The following ABCB5 variants were observed in gnomAD, a reference collection of about 807,000 sequenced individuals.
The protein encoded by ABCB5 is ATP binding cassette subfamily B member 5.
In ABCB5, 155 loss-of-function variants were observed where a neutral mutation model predicts 144.2. The observed-to-expected ratio is 1.08, with a 90% CI of 0.94 to 1.23. The LOEUF (loss-of-function observed/expected upper bound fraction) is 1.23, where lower values mean the gene tolerates loss of function less well. Among genes scored for constraint, ABCB5 ranks in the 50% most tolerant of loss-of-function variants. ABCB5 has a pLI of 0.00. For synonymous variants in ABCB5, 610 were observed against 528.6 expected (o/e 1.15, Z -2.11); for missense variants, 1,830 against 1,520.8 (o/e 1.20, Z -3.38).
chr7:20,651,609 A>G lies in ABCB5; in HGVS notation c.1522A>G (p.Met508Val). 6 of 1,614,084 alleles carry G rather than the reference A, an allele frequency of 3.7e-6. No homozygotes were observed. The highest frequency in any genetic ancestry group is 5.1e-6 in the Non-Finnish European group (6 of 1,179,960). ...GGAAGCAAATGCGTATGATTTTATC[A>G]TGGAGTTTCCTAATGTGAGTACACT... ...AREANAYDFI[M>V]EFPNKFNTLV... The change falls in exon 13 of 28, where the codon ATG becomes GTG. Residue 508 changes from methionine to valine, a missense_variant. Transcript: ENST00000404938.
chr7:20,692,078 A>G (rs1474074191), intron 16 of ABCB5, among the ~76,000 whole-genome samples: 2 of 152,168 alleles, frequency 1.3e-5, no homozygotes, highest in Non-Finnish European at 2.9e-5. Flanking sequence ...CATTGAAGAA[A>G]TAATGCTTTA....
chr7:20,733,702 G>A (rs1436278825), intron 23 of ABCB5, among the ~76,000 whole-genome samples: 3 of 150,412 alleles, frequency 2.0e-5, no homozygotes, highest in Admixed American at 6.6e-5. Flanking sequence ...GCAGTGGCAC[G>A]ATCTCAGCTC....
At chr7:20,747,981 G>A (rs1035312785) in intron 26 of ABCB5, among the ~76,000 whole-genome samples, 1 of 152,174 alleles carries the variant, frequency 6.6e-6, no homozygotes, top group Non-Finnish European at 1.5e-5. Context: ...CAGCCCTTCT[G>A]GGAACCAAGA....
chr7:20,633,609 G>A (rs539725614), intron 5 of ABCB5, among the ~76,000 whole-genome samples: 1 of 152,118 alleles, frequency 6.6e-6, no homozygotes, highest in African/African-American at 2.4e-5. Context: ...TCGTTTCTTC[G>A]TATTGGGAAT....
At chr7:20,696,350 G>T (rs1392138260) in intron 16 of ABCB5, among the ~76,000 whole-genome samples, 1 of 152,028 alleles carries the variant, frequency 6.6e-6, no homozygotes, top group Non-Finnish European at 1.5e-5. Flanking sequence ...TTTATATAAT[G>T]TTCTAAAAAT....
At chr7:20,668,164 C>A (rs1487891357) in intron 14 of ABCB5, among the ~76,000 whole-genome samples, 1 of 141,806 alleles carries the variant, frequency 7.1e-6, no homozygotes, top group Non-Finnish European at 1.5e-5. Flanking sequence ...AAGTGAGGAG[C>A]GTCTCTGCCT....
At chr7:20,693,585 T>C (rs556384276) in intron 16 of ABCB5, among the ~76,000 whole-genome samples, 1 of 152,194 alleles carries the variant, frequency 6.6e-6, no homozygotes, top group South Asian at 2.1e-4. Flanking sequence ...TCAAAATGTA[T>C]AGGAAGCTTA....
At position 20,698,392 on chromosome 7, in the gene ABCB5, A is replaced by G. The variant is rs1031716495; in HGVS notation, c.2011-15A>G. 7 of 1,555,638 alleles carry G rather than the reference A, an allele frequency of 4.5e-6. No individual in the cohort carries two copies. The highest frequency in any genetic ancestry group is 1.4e-5 in the African/African-American group (1 of 71,978). On this transcript the variant is annotated splice_polypyrimidine_tract_variant and intron_variant, in intron 16 of 27. Coordinates refer to ENST00000404938, the MANE Select transcript of ABCB5 (RefSeq NM_001163941.2). ...ACACAAACTGGCATTTTTAACCAACATATTTTATTTTTAGATAAGTCTTCC... is the reference window on the plus strand; with the variant it reads ...ACACAAACTGGCATTTTTAACCAACGTATTTTATTTTTAGATAAGTCTTCC...
Position 20,685,849 on chromosome 7 carries a change from C to T in ABCB5, c.2010+13C>T, listed in dbSNP as rs763670623. The T allele has an allele frequency of 1.8e-5, 28 of 1,567,356 alleles. No homozygotes were observed. Among genetic ancestry groups the T allele is most frequent in the South Asian group, 6.1e-5 (5 of 82,138 alleles). On this transcript the variant is annotated intron_variant, in intron 16 of 27. Coordinates refer to ENST00000404938, the MANE Select transcript of ABCB5 (RefSeq NM_001163941.2). ...CCAATCTAAAGAGGTAATGGCTCAGCGATCAACCAGTTTTTCCTGCATGTT... is the reference window on the plus strand; with the variant it reads ...CCAATCTAAAGAGGTAATGGCTCAGTGATCAACCAGTTTTTCCTGCATGTT...
chr7:20,635,502 A>G (rs1258651830), intron 5 of ABCB5, among the ~76,000 whole-genome samples: 1 of 151,972 alleles, frequency 6.6e-6, no homozygotes, highest in African/African-American at 2.4e-5. Context: ...TTTGTCCAGT[A>G]AAGTCATTTT....
chr7:20,637,836 G>C (rs1235239822), intron 5 of ABCB5, among the ~76,000 whole-genome samples: 2 of 152,154 alleles, frequency 1.3e-5, no homozygotes, highest in Admixed American at 6.6e-5. Flanking sequence ...AGCCAACTCC[G>C]TGTTAGATTA....
chr7:20,751,048 G>A (rs1179400158), intron 26 of ABCB5, among the ~76,000 whole-genome samples: 1 of 152,128 alleles, frequency 6.6e-6, no homozygotes, highest in Non-Finnish European at 1.5e-5. Flanking sequence ...CCCAGTGCCT[G>A]CAGGGATTCT....
chr7:20,753,653 T>TTTTG, intron 27 of ABCB5, 147 bp downstream of exon 27: 3 of 880,124 alleles, frequency 3.4e-6, no homozygotes, highest in Non-Finnish European at 4.8e-6. Flanking sequence ...CTTTGGACCT[T>TTTTG]TACAAAAAGG....
intron 20 of ABCB5, among the ~76,000 whole-genome samples, chr7:20,722,778 C>A (rs1157186981): frequency 2.0e-5 from 3 of 151,842 alleles, no homozygotes; most frequent in Admixed American, 1.3e-4. Context: ...GCCGAGATTG[C>A]GCCACTGCAC....
At chr7:20,641,104 T>A (rs2128022256) in intron 5 of ABCB5, among the ~76,000 whole-genome samples, 1 of 152,304 alleles carries the variant, frequency 6.6e-6, no homozygotes, top group Admixed American at 6.5e-5. Flanking sequence ...AGCTTCTTAC[T>A]TGATCTCCAT....
intron 20 of ABCB5, among the ~76,000 whole-genome samples, chr7:20,715,090 G>A (rs1361187836): frequency 6.6e-6 from 1 of 152,132 alleles, no homozygotes; most frequent in Non-Finnish European, 1.5e-5. Context: ...TGTTGCCCAA[G>A]CTGGAGTGCA....
chr7:20,706,822 G>C (rs1478923164), intron 20 of ABCB5, among the ~76,000 whole-genome samples: 1 of 151,792 alleles, frequency 6.6e-6, no homozygotes, highest in Non-Finnish European at 1.5e-5. Context: ...CAACATAGTG[G>C]GACTCTATCT....
chr7:20,744,307 A>G (rs1185676274), intron 25 of ABCB5, among the ~76,000 whole-genome samples: 1 of 152,116 alleles, frequency 6.6e-6, no homozygotes, highest in African/African-American at 2.4e-5. Context: ...GCCTCAAGTC[A>G]TCTGCCCACC....
intron 5 of ABCB5, among the ~76,000 whole-genome samples, chr7:20,640,938 G>C (rs1784282502): frequency 6.6e-6 from 1 of 151,988 alleles, no homozygotes; most frequent in Non-Finnish European, 1.5e-5. Context: ...ACAGTCCTTG[G>C]CCCTCTTCTC....
Sources: allele counts gnomAD v4.1 joint callset (sites outside exome capture counted in the v4.1 genomes callset), GRCh38; gene constraint gnomAD v4.1.1; transcripts MANE v1.5; gene names NCBI Gene and HGNC (gene_info 2026-07-23, HGNC 2026-07-21).